Variants in PLEKHG4B observed in about 807,000 individuals in gnomAD.
PLEKHG4B encodes pleckstrin homology and RhoGEF domain containing G4B.
In PLEKHG4B, 111 loss-of-function variants were observed where a neutral mutation model predicts 121.3. That is an observed-to-expected ratio of 0.92 (90% CI 0.78 to 1.07). The LOEUF (loss-of-function observed/expected upper bound fraction) is 1.07. PLEKHG4B is among the 50% of genes least tolerant of loss of function. The pLI is 0.00. For synonymous variants in PLEKHG4B, 738 were observed against 725.0 expected (o/e 1.02, Z -0.29); for missense variants, 1,831 against 1,757.8 (o/e 1.04, Z -0.74).
chr5:128,778 C>T (rs943556461), intron 2 of PLEKHG4B, among the ~76,000 whole-genome samples: 4 of 152,172 alleles, frequency 2.6e-5, no homozygotes, highest in African/African-American at 9.7e-5. Context: ...ATCCTCCTCA[C>T]AACTGGGATA....
chr5:98,004 T>G lies in PLEKHG4B; in HGVS notation c.45+5728T>G, dbSNP rs143186079. Among the ~76,000 whole-genome samples, 656 of 152,266 alleles carry G rather than the reference T, an allele frequency of 4.3e-3. 7 individuals are homozygous for G. The highest frequency in any genetic ancestry group is 0.015 in the African/African-American group (624 of 41,510). On this transcript the variant is annotated intron_variant, in intron 1 of 19. Coordinates refer to ENST00000637938, the MANE Select transcript of PLEKHG4B (RefSeq NM_052909.5). Reference sequence around the variant, plus strand: ...ATCCTGGTAGGTCTGAACCATTATCTCAGTGTAGTTTTAATTTTCATTATA... The same window carrying G: ...ATCCTGGTAGGTCTGAACCATTATCGCAGTGTAGTTTTAATTTTCATTATA...
rs543940665 is a variant in PLEKHG4B, at chr5:173,076, C to T, written c.4221+9C>T. ...ACAAGCAGTCCTTCAAGGTAGCACC[C>T]GCCCGGTCCGATTGGGTGCAGGCCG... On this transcript the variant is annotated intron_variant, in intron 17 of 19. Transcript: ENST00000637938. 41 of 1,613,092 alleles carry T rather than the reference C, an allele frequency of 2.5e-5. No homozygotes were observed. Among genetic ancestry groups the T allele is most frequent in the South Asian group, 9.9e-5 (9 of 91,034 alleles).
At chr5:130,450 C>G (rs182781594) in intron 2 of PLEKHG4B, among the ~76,000 whole-genome samples, 11 of 152,212 alleles carry the variant, frequency 7.2e-5, no homozygotes, top group East Asian at 5.8e-4. Context: ...TCCCTTAACG[C>G]CCCCCCATGC....
intron 14 of PLEKHG4B, 49 bp from the exon 15 acceptor site, chr5:170,993 TC>T: frequency 1.3e-6 from 2 of 1,488,024 alleles, no homozygotes; most frequent in Non-Finnish European, 1.8e-6. Context: ...GAGCCTGCTG[TC>T]TCTGGGCCTG....
At chr5:150,624 G>A (rs1735576126) in intron 6 of PLEKHG4B, among the ~76,000 whole-genome samples, 1 of 152,158 alleles carries the variant, frequency 6.6e-6, no homozygotes, top group South Asian at 2.1e-4. Flanking sequence ...AAGGATTTGA[G>A]TACTCTTCAC....
In PLEKHG4B at chr5:157,780, T is replaced by C. The variant is rs900224329; in HGVS notation, c.2487+869T>C. ...CACATTTTTATATAAATCCTTATTATTTTATCAACAACTATTGCTGCGATG... is the reference window on the plus strand; with the variant it reads ...CACATTTTTATATAAATCCTTATTACTTTATCAACAACTATTGCTGCGATG... On this transcript the variant is annotated intron_variant, in intron 11 of 19. Coordinates refer to ENST00000637938, the MANE Select transcript of PLEKHG4B (RefSeq NM_052909.5). This position sits in a 1 kb window ranked among gnomAD's most constrained non-coding sequence, Gnocchi z 4.6. Among the ~76,000 whole-genome samples the C allele has an allele frequency of 6.6e-6, 1 of 152,200 alleles. No homozygotes were observed.
At chr5:142,306 A>T (rs1429847221) in intron 3 of PLEKHG4B, among the ~76,000 whole-genome samples, 2 of 152,118 alleles carry the variant, frequency 1.3e-5, no homozygotes, top group Non-Finnish European at 2.9e-5. Flanking sequence ...CCTCGCAGTC[A>T]CACACACGCC....
intron 2 of PLEKHG4B, among the ~76,000 whole-genome samples, chr5:130,900 C>T (rs1486874823): frequency 6.6e-6 from 1 of 152,188 alleles, no homozygotes; most frequent in African/African-American, 2.4e-5. Context: ...ACAATCTAAA[C>T]CATGGCTAGT....
At chr5:166,805 C>G (rs1736368337) in intron 13 of PLEKHG4B, among the ~76,000 whole-genome samples, 2 of 152,240 alleles carry the variant, frequency 1.3e-5, no homozygotes. Flanking sequence ...TTCTGAAACA[C>G]ACCTTTAGGT....
At chr5:177,273 C>T (rs560620675) in intron 18 of PLEKHG4B, among the ~76,000 whole-genome samples, 1 of 152,268 alleles carries the variant, frequency 6.6e-6, no homozygotes, top group African/African-American at 2.4e-5. Context: ...CAGGCTTTCC[C>T]CTAAGCCTGG....
chr5:163,066 T>C lies in PLEKHG4B; in HGVS notation c.2994T>C (p.Ser998=). The change falls in exon 13 of 20, where the codon AGT becomes AGC. Residue 998 remains serine, a synonymous_variant. Coordinates refer to ENST00000637938, the MANE Select transcript of PLEKHG4B (RefSeq NM_052909.5). ...QKPPSFPSTD[S]GGGAWEPAQP... Reference sequence around the variant, plus strand: ...CACCCTCATTCCCCAGCACGGACAGTGGGGGTGGTGCCTGGGAACCTGCGC... The same window carrying C: ...CACCCTCATTCCCCAGCACGGACAGCGGGGGTGGTGCCTGGGAACCTGCGC... 1 of 1,560,608 alleles carries C rather than the reference T, an allele frequency of 6.4e-7. No homozygotes were observed. Among genetic ancestry groups the C allele is most frequent in the Admixed American group, 1.9e-5 (1 of 52,248 alleles).
rs1477589560 is a variant in PLEKHG4B at position 92,500 on chromosome 5, G to A, written c.45+224G>A. On this transcript the variant is annotated intron_variant, in intron 1 of 19. Transcript: ENST00000637938. ...GTGGGGGCGCGGGGGTAGGGGCGGG[G>A]TGAAGGCGCGAGCATCAAGGCGGGC... Among the ~76,000 whole-genome samples the A allele has an allele frequency of 7.1e-3, 911 of 128,266 alleles. 15 individuals carry two copies. The highest frequency in any genetic ancestry group is 0.027 in the African/African-American group (839 of 31,490). The allele number at this position is 128,266 out of a possible 152,430, so 84.1% of individuals were successfully genotyped here. A position where few individuals can be genotyped will look rare whatever the true frequency, so the allele number is the denominator to read the frequency against.
At position 173,116 on chromosome 5, in the gene PLEKHG4B, A is replaced by G. The variant is rs369983190; in HGVS notation, c.4221+49A>G. On this transcript the variant is annotated intron_variant, in intron 17 of 19. Coordinates refer to ENST00000637938, the MANE Select transcript of PLEKHG4B (RefSeq NM_052909.5). ...GGTGCAGGCCGAGCCAGGCCCTCCA[A>G]GGGGGTCTCGGACCCTTGTCTCACC... is the stretch of plus-strand genomic sequence containing the variant. The G allele has an allele frequency of 1.9e-5, 30 of 1,585,534 alleles. 1 individual carries two copies. The highest frequency in any genetic ancestry group is 2.3e-5 in the Non-Finnish European group (27 of 1,156,396).
intron 1 of PLEKHG4B, among the ~76,000 whole-genome samples, chr5:109,925 A>C (rs973321364): frequency 6.9e-6 from 1 of 144,234 alleles, no homozygotes; most frequent in African/African-American, 2.6e-5. Context: ...CCACACAATC[A>C]GCAACACACG....
chr5:120,305 C>T (rs1459933856), intron 2 of PLEKHG4B, among the ~76,000 whole-genome samples: 1 of 152,168 alleles, frequency 6.6e-6, no homozygotes, highest in Non-Finnish European at 1.5e-5. Context: ...CCAACTCTTA[C>T]AGTCTCATGG....
intron 18 of PLEKHG4B, 54 bp from the exon 19 acceptor site, chr5:181,460 G>C: frequency 6.4e-7 from 1 of 1,570,436 alleles, no homozygotes; most frequent in Non-Finnish European, 8.7e-7. Context: ...CGTCTTTGGG[G>C]TGGCATTAGC....
At chr5:146,039 T>G (rs368938957) in intron 6 of PLEKHG4B, among the ~76,000 whole-genome samples, 6 of 151,670 alleles carry the variant, frequency 4.0e-5, no homozygotes, top group East Asian at 3.9e-4. Flanking sequence ...TCCCCTTCCA[T>G]GGTCCTCCCT....
Position 189,418 on chromosome 5 carries a change from A to C in PLEKHG4B, c.*7095A>C, listed in dbSNP as rs1229176245. ...TGAAGGCCAGTGGGCTGGGTGGTCC[A>C]GGCATGTCCCCAACGCAGGTCCAGC... On this transcript the variant is annotated 3_prime_UTR_variant, in exon 20 of 20. Coordinates refer to ENST00000637938, the MANE Select transcript of PLEKHG4B (RefSeq NM_052909.5). 1 of 152,376 alleles carries C rather than the reference A, an allele frequency of 6.6e-6. No individual in the cohort carries two copies. Among genetic ancestry groups the C allele is most frequent in the Non-Finnish European group, 1.5e-5 (1 of 68,146 alleles). The allele number at this position is 152,376 out of a possible 1,614,324, so 9.4% of individuals were successfully genotyped here.
In PLEKHG4B at chr5:163,299, A is replaced by T; in HGVS notation, c.3227A>T (p.Gln1076Leu). The change falls in exon 13 of 20, where the codon CAG becomes CTG. Residue 1076 changes from glutamine (Q) to leucine (L), a missense_variant. Gln to Leu is a moderately radical substitution (Grantham distance 113). Coordinates refer to ENST00000637938, the MANE Select transcript of PLEKHG4B (RefSeq NM_052909.5). ...TLASRPRKHPQKKMIKKTQSF... is the reference protein window; with the variant it reads ...TLASRPRKHPLKKMIKKTQSF... Reference sequence around the variant, plus strand: ...GCCAGCCGCCCCAGGAAACATCCCCAGAAGAAAATGATAAAGAAAACGCAA... The same window carrying T: ...GCCAGCCGCCCCAGGAAACATCCCCTGAAGAAAATGATAAAGAAAACGCAA... 2 of 1,613,416 alleles carry T rather than the reference A, an allele frequency of 1.2e-6. No individual in the cohort carries two copies. The highest frequency in any genetic ancestry group is 1.7e-6 in the Non-Finnish European group (2 of 1,180,022).
Sources: gnomAD v4.1 joint callset for allele counts (sites outside exome capture counted in the v4.1 genomes callset) on GRCh38, gnomAD v4.1.1 for gene constraint, Gnocchi (gnomAD v3.1) non-coding constraint, MANE v1.5 for transcripts, NCBI Gene and HGNC (gene_info 2026-07-23, HGNC 2026-07-21) for gene names.